The following MYRIP variants were observed in gnomAD, a reference collection of about 807,000 sequenced individuals.
The protein encoded by MYRIP is rab effector MyRIP.
A neutral mutation model predicts 98.0 loss-of-function variants in MYRIP; 49 were observed. The ratio of observed to expected loss-of-function variants is 0.50; its 90% CI spans 0.40 to 0.63. MYRIP has a LOEUF of 0.63. Ranked by LOEUF, MYRIP falls within the 30% of genes least tolerant of loss-of-function variation. MYRIP has a pLI of 0.00. For synonymous variants in MYRIP, 404 were observed against 409.5 expected (o/e 0.99, Z 0.16); for missense variants, 1,004 against 1,058.2 (o/e 0.95, Z 0.71).
intron 2 of MYRIP, among the ~76,000 whole-genome samples, chr3:39,989,484 A>T (rs1345282795): frequency 6.6e-6 from 1 of 152,114 alleles, no homozygotes; most frequent in African/African-American, 2.4e-5. Flanking sequence ...CTGTTGGAAG[A>T]TCTCACCTAG....
At chr3:40,066,046 A>G (rs1436896738) in intron 3 of MYRIP, among the ~76,000 whole-genome samples, 1 of 152,216 alleles carries the variant, frequency 6.6e-6, no homozygotes, top group Non-Finnish European at 1.5e-5. Flanking sequence ...GCTGTGACGA[A>G]GAAGGACCCC....
At chr3:39,826,547 T>C (rs1941273082) in intron 1 of MYRIP, among the ~76,000 whole-genome samples, 1 of 152,170 alleles carries the variant, frequency 6.6e-6, no homozygotes, top group Non-Finnish European at 1.5e-5. Context: ...AAAAAATTTT[T>C]TGAGACTTGT....
chr3:40,153,517 A>T (rs897154075), intron 4 of MYRIP, among the ~76,000 whole-genome samples: 8 of 152,170 alleles, frequency 5.3e-5, no homozygotes, highest in Admixed American at 1.3e-4. Flanking sequence ...AAACCTTCCA[A>T]TACCCCAAAT....
intron 9 of MYRIP, among the ~76,000 whole-genome samples, chr3:40,185,803 C>T (rs1326904371): frequency 7.9e-5 from 12 of 152,122 alleles, no homozygotes; most frequent in South Asian, 4.1e-4. Flanking sequence ...CAAGGGTCGC[C>T]TCCTTTGGAT....
At chr3:40,097,102 G>C (rs1053720553) in intron 3 of MYRIP, among the ~76,000 whole-genome samples, 1 of 152,164 alleles carries the variant, frequency 6.6e-6, no homozygotes, top group African/African-American at 2.4e-5. Context: ...ACGACCAAAA[G>C]AAGAAAAGCT....
chr3:40,177,784 T>A (rs1041992612), intron 8 of MYRIP, among the ~76,000 whole-genome samples: 1 of 152,162 alleles, frequency 6.6e-6, no homozygotes, highest in Non-Finnish European at 1.5e-5. Context: ...TTATTGGTAA[T>A]AATGATGATG....
At chr3:40,166,780 A>G (rs963278154) in intron 5 of MYRIP, 66 bp from the exon 6 acceptor site, 2 of 1,092,070 alleles carry the variant, frequency 1.8e-6, no homozygotes, top group Non-Finnish European at 2.8e-6. Flanking sequence ...TAAGCAGAAG[A>G]GCTTGAACAA....
chr3:39,975,210 C>A (rs28830502), intron 2 of MYRIP, among the ~76,000 whole-genome samples: 31,864 of 151,980 alleles, frequency 0.21, 6,803 homozygotes, highest in African/African-American at 0.54. Context: ...TTCAGGATAC[C>A]AAATCAGTGT....
At chr3:40,118,636 G>T (rs967308167) in intron 3 of MYRIP, among the ~76,000 whole-genome samples, 1 of 149,406 alleles carries the variant, frequency 6.7e-6, no homozygotes, top group Non-Finnish European at 1.5e-5. Context: ...AAGTTTTAGG[G>T]TACATGTGCA....
intron 1 of MYRIP, among the ~76,000 whole-genome samples, chr3:39,840,186 T>G (rs893611445): frequency 4.6e-5 from 7 of 152,234 alleles, no homozygotes; most frequent in African/African-American, 1.4e-4. Context: ...TTAGGATAGT[T>G]AGCTCTTCTT....
Position 40,075,934 on chromosome 3 carries a change from G to A in MYRIP, c.332+31663G>A, listed in dbSNP as rs145505038. Reference sequence around the variant, plus strand: ...AACCCCAAAGGCTGGGCATGCTCACGCCTGTAATCCCAGCAATCTGGGAAG... The same window carrying A: ...AACCCCAAAGGCTGGGCATGCTCACACCTGTAATCCCAGCAATCTGGGAAG... On this transcript the variant is annotated intron_variant, in intron 3 of 16. Transcript: ENST00000302541. Among the ~76,000 whole-genome samples the A allele has an allele frequency of 2.6e-3, 400 of 152,298 alleles. 5 individuals carry two copies. Among genetic ancestry groups the A allele is most frequent in the African/African-American group, 9.3e-3 (385 of 41,566 alleles).
intron 3 of MYRIP, among the ~76,000 whole-genome samples, chr3:40,134,382 C>T (rs935003508): frequency 6.6e-6 from 1 of 152,232 alleles, no homozygotes; most frequent in Non-Finnish European, 1.5e-5. Context: ...ACAAAGCAGC[C>T]GGGAAGCTGG....
At chr3:40,134,319 G>A (rs962096245) in intron 3 of MYRIP, among the ~76,000 whole-genome samples, 16 of 152,224 alleles carry the variant, frequency 1.1e-4, no homozygotes, top group Non-Finnish European at 2.1e-4. Flanking sequence ...ACTGCAAGGC[G>A]GCAGCGAGGC....
At chr3:39,874,268 C>T (rs1200307480) in intron 1 of MYRIP, among the ~76,000 whole-genome samples, 1 of 152,062 alleles carries the variant, frequency 6.6e-6, no homozygotes, top group Non-Finnish European at 1.5e-5. Flanking sequence ...TCTAGATATA[C>T]AATCATGTCA....
chr3:39,888,217 C>A (rs1234158167), intron 1 of MYRIP, among the ~76,000 whole-genome samples: 1 of 152,140 alleles, frequency 6.6e-6, no homozygotes, highest in African/African-American at 2.4e-5. Context: ...GCCCACATCA[C>A]CAAGTCAATC....
chr3:39,820,870 T>C (rs964752400), intron 1 of MYRIP, among the ~76,000 whole-genome samples: 1 of 152,170 alleles, frequency 6.6e-6, no homozygotes, highest in African/African-American at 2.4e-5. Flanking sequence ...CTCCCAGGTC[T>C]GAATCCTTCC....
Position 40,102,344 on chromosome 3 carries a change from C to T in MYRIP, c.333-48704C>T, listed in dbSNP as rs1424198119. ...GTAACTGATGGTTGTAATTCCTGAG[C>T]CTTGATGGGGCTCTGATATATGAAT... On this transcript the variant is annotated intron_variant, in intron 3 of 16. Coordinates refer to ENST00000302541, the MANE Select transcript of MYRIP (RefSeq NM_015460.4). Among the ~76,000 whole-genome samples, 3 of 152,158 alleles carry T rather than the reference C, an allele frequency of 2.0e-5. 1 individual carries two copies. Among genetic ancestry groups the T allele is most frequent in the African/African-American group, 7.2e-5 (3 of 41,420 alleles).
intron 2 of MYRIP, among the ~76,000 whole-genome samples, chr3:40,040,994 GAAAAA>G (rs1322717456): frequency 3.6e-4 from 3 of 8,248 alleles, no homozygotes; most frequent in Non-Finnish European, 9.6e-4. Context: ...AAAAAAAAAA[GAAAAA>G]AAAAAAGAAA....
At chr3:39,884,806 A>ATT (rs10662369) in intron 1 of MYRIP, among the ~76,000 whole-genome samples, 5,769 of 137,252 alleles carry the variant, frequency 0.042, 312 homozygotes, top group East Asian at 0.12. Flanking sequence ...TACAGTCATT[A>ATT]TTATTTTTTT....
Sources: gnomAD v4.1 joint callset for allele counts (sites outside exome capture counted in the v4.1 genomes callset) on GRCh38, gnomAD v4.1.1 for gene constraint, MANE v1.5 for transcripts, NCBI Gene and HGNC (gene_info 2026-07-23, HGNC 2026-07-21) for gene names.